NFKBIL1: variants seen among roughly 807,000 people sequenced by gnomAD.
NFKBIL1 encodes NFKB inhibitor like 1.
A neutral mutation model predicts 45.4 loss-of-function variants in NFKBIL1; 30 were observed. The ratio of observed to expected loss-of-function variants is 0.66; its 90% CI spans 0.49 to 0.90. The LOEUF is 0.90. Ranked by LOEUF, NFKBIL1 falls within the 40% of genes least tolerant of loss-of-function variation. The pLI is 0.00. For missense variants in NFKBIL1, 434 were observed against 513.4 expected, an observed-to-expected ratio of 0.85 and a Z score of 1.49; for synonymous variants, 179 against 197.3, an observed-to-expected ratio of 0.91 and a Z score of 0.78.
rs201653245 is a variant in NFKBIL1, at chr6:31,558,754, G to A, written c.*143G>A. On this transcript the variant is annotated 3_prime_UTR_variant, in exon 4 of 4. Transcript: ENST00000376148. This position sits in a 1 kb window ranked among gnomAD's most constrained non-coding sequence, Gnocchi z 7.2. ...GGTGGGAGCGAAAGTTGTAACAAGT[G>A]GGGGTGGGGGGTGCGGGCCGCCACC... The A allele has an allele frequency of 5.8e-6, 4 of 685,214 alleles. No homozygotes were observed. Among genetic ancestry groups the A allele is most frequent in the Non-Finnish European group, 7.1e-6 (3 of 421,696 alleles). 42.4% of individuals were successfully genotyped at this position (685,214 alleles called of 1,614,324 possible).
chr6:31,550,269 G>C (rs1158153300), intron 2 of NFKBIL1, among the ~76,000 whole-genome samples: 1 of 151,526 alleles, frequency 6.6e-6, no homozygotes, highest in Middle Eastern at 3.2e-3. Context: ...AATAAAAGCT[G>C]AAACCTTCTT....
rs573914667 is a variant in NFKBIL1 at position 31,555,013 on chromosome 6, G to C, written c.335-2615G>C. Among the ~76,000 whole-genome samples the C allele has an allele frequency of 4.6e-5, 7 of 152,280 alleles. No homozygotes were observed. The South Asian group carries it at 1.4e-3, about 32-fold the overall frequency. On this transcript the variant is annotated intron_variant, in intron 2 of 3. Coordinates refer to ENST00000376148, the MANE Select transcript of NFKBIL1 (RefSeq NM_005007.4). The stretch of plus-strand genomic sequence containing the variant: ...TGGTTACATATCTCCAAATAAATGT[G>C]TCATATGTATGCTTTTAGGTACACC...
chr6:31,557,987 C>G lies in NFKBIL1; in HGVS notation c.557-35C>G. ...GGGGCCCATCACCTTCTCACAGCCT[C>G]TCTCCAACTACCCCCATCCCACCCT... On this transcript the variant is annotated intron_variant, in intron 3 of 3. Coordinates refer to ENST00000376148, the MANE Select transcript of NFKBIL1 (RefSeq NM_005007.4). This position sits in a 1 kb window ranked among gnomAD's most constrained non-coding sequence, Gnocchi z 5.4. 6.6e-7 allele frequency: 1 copy of G among 1,523,934 alleles called. No homozygotes were observed. The highest frequency in any genetic ancestry group is 8.9e-7 in the Non-Finnish European group (1 of 1,125,666). The allele number at this position is 1,523,934 out of a possible 1,614,324, so 94.4% of individuals were successfully genotyped here.
chr6:31,555,239 T>C lies in NFKBIL1; in HGVS notation c.335-2389T>C, dbSNP rs12181589. Among the ~76,000 whole-genome samples, 1,121 of 143,106 alleles carry C rather than the reference T, an allele frequency of 7.8e-3. 21 individuals carry two copies. The highest frequency in any genetic ancestry group is 0.066 in the East Asian group (322 of 4,902). 93.9% of individuals were successfully genotyped at this position (143,106 alleles called of 152,430 possible). On this transcript the variant is annotated intron_variant, in intron 2 of 3. Transcript: ENST00000376148. Reference sequence around the variant, plus strand: ...TTTTGCCAGTCTATTTTTTTTCTTTTTTTTTTTTTTTTTTTGAGATGGGAG... The same window carrying C: ...TTTTGCCAGTCTATTTTTTTTCTTTCTTTTTTTTTTTTTTTGAGATGGGAG...
intron 1 of NFKBIL1, 66 bp from the exon 2 acceptor site, chr6:31,548,097 C>A: frequency 6.2e-7 from 1 of 1,600,800 alleles, no homozygotes; most frequent in African/African-American, 1.3e-5. Context: ...CAGGGGATGT[C>A]AGAGATGGAG....
intron 2 of NFKBIL1, 81 bp downstream of exon 2, chr6:31,548,520 G>C (rs1191423687): frequency 2.2e-6 from 3 of 1,375,522 alleles, no homozygotes; most frequent in African/African-American, 3.0e-5. Flanking sequence ...TGAGAAATAA[G>C]CTGGTTATTT....
At chr6:31,552,940 A>T (rs1583003574) in intron 2 of NFKBIL1, among the ~76,000 whole-genome samples, 1 of 147,386 alleles carries the variant, frequency 6.8e-6, no homozygotes, top group Non-Finnish European at 1.5e-5. Context: ...TCCTGACCTC[A>T]TGATCCGCCC....
chr6:31,555,299 A>G (rs1487083034), intron 2 of NFKBIL1, among the ~76,000 whole-genome samples: 1 of 139,912 alleles, frequency 7.1e-6, no homozygotes, highest in Non-Finnish European at 1.5e-5. Context: ...GTGCACTGGC[A>G]TGATCTCAGC....
chr6:31,557,186 C>T lies in NFKBIL1; in HGVS notation c.335-442C>T, dbSNP rs1242208079. On this transcript the variant is annotated intron_variant, in intron 2 of 3. Coordinates refer to ENST00000376148, the MANE Select transcript of NFKBIL1 (RefSeq NM_005007.4). This position sits in a 1 kb window ranked among gnomAD's most constrained non-coding sequence, Gnocchi z 5.4. The stretch of plus-strand genomic sequence containing the variant: ...GCAGTGGCACGATCTCGGCTTACTA[C>T]AAGCTCCACCTCCCGGGTTCACATC... Among the ~76,000 whole-genome samples the T allele has an allele frequency of 6.6e-6, 1 of 150,398 alleles. No homozygotes were observed. Among genetic ancestry groups the T allele is most frequent in the East Asian group, 2.0e-4 (1 of 5,096 alleles).
upstream of NFKBIL1, chr6:31,547,573 C>T (rs201770759): frequency 5.1e-6 from 3 of 588,604 alleles, no homozygotes; most frequent in South Asian, 2.4e-5. Flanking sequence ...TGCGTCTCTG[C>T]TTGCGCCATT....
intron 2 of NFKBIL1, among the ~76,000 whole-genome samples, chr6:31,552,955 C>T (rs11752951): frequency 0.042 from 6,415 of 151,312 alleles, 242 homozygotes; most frequent in South Asian, 0.16. Context: ...CCGCCCGCCT[C>T]GGCCTCCCAA....
In NFKBIL1 at chr6:31,558,027, G is replaced by A. The variant is rs1583013063; in HGVS notation, c.562G>A (p.Ala188Thr). 7.1e-6 allele frequency: 5 copies of A among 707,666 alleles called. No homozygotes were observed. Among genetic ancestry groups the A allele is most frequent in the Admixed American group, 2.0e-5 (1 of 50,548 alleles). The allele number at this position is 707,666 out of a possible 1,614,324, so 43.8% of individuals were successfully genotyped here. Residue 188 changes from alanine (A) to threonine (T), a missense_variant, in exon 4 of 4, where the codon GCC (alanine) becomes ACC (threonine). Around this residue, in one of 4 missense-constraint regions of NFKBIL1, gnomAD observed 231 missense variants for 264.1 expected, o/e 0.87. Coordinates refer to ENST00000376148, the MANE Select transcript of NFKBIL1 (RefSeq NM_005007.4). This position sits in a 1 kb window ranked among gnomAD's most constrained non-coding sequence, Gnocchi z 7.2. ...QEVMGRFEGD[A>T]SHETQEPESF... ...CATCCCACCCTCCCAAACAGGTGAT[G>A]CCTCCCATGAAACCCAGGAACCTGA...
chr6:31,557,907 A>G lies in NFKBIL1; in HGVS notation c.556+58A>G. 1 of 1,523,264 alleles carries G rather than the reference A, an allele frequency of 6.6e-7. No homozygotes were observed. The highest frequency in any genetic ancestry group is 8.9e-7 in the Non-Finnish European group (1 of 1,122,866). The allele number at this position is 1,523,264 out of a possible 1,614,324, so 94.4% of individuals were successfully genotyped here. ...TCCCCACTGGCTGCTTTCCATCTGC[A>G]TGAATGCGTCACACTAGGCTCCTCT... On this transcript the variant is annotated intron_variant, in intron 3 of 3. Coordinates refer to ENST00000376148, the MANE Select transcript of NFKBIL1 (RefSeq NM_005007.4). This position sits in a 1 kb window ranked among gnomAD's most constrained non-coding sequence, Gnocchi z 5.4.
At chr6:31,555,984 T>C (rs1172465460) in intron 2 of NFKBIL1, among the ~76,000 whole-genome samples, 1 of 151,706 alleles carries the variant, frequency 6.6e-6, no homozygotes, top group East Asian at 1.9e-4. Flanking sequence ...TACAGTTTTG[T>C]AGCCAGCTTT....
In NFKBIL1 at chr6:31,558,693, C is replaced by A; in HGVS notation, c.*82C>A. On this transcript the variant is annotated 3_prime_UTR_variant, in exon 4 of 4. Coordinates refer to ENST00000376148, the MANE Select transcript of NFKBIL1 (RefSeq NM_005007.4). The surrounding 1 kb of genome is among the most constrained non-coding windows in gnomAD (Gnocchi z 7.2). ...AGGGTAAGGGAAAGGATGGGGACCA[C>A]AAGGAAGAGCCAGGTGCTGCTCAGC... The A allele has an allele frequency of 2.4e-6, 3 of 1,234,582 alleles. No individual in the cohort carries two copies. The highest frequency in any genetic ancestry group is 1.1e-6 in the Non-Finnish European group (1 of 898,448). 76.5% of individuals were successfully genotyped at this position (1,234,582 alleles called of 1,614,324 possible). A position where few individuals can be genotyped will look rare whatever the true frequency, so the allele number is the denominator to read the frequency against.
intron 2 of NFKBIL1, among the ~76,000 whole-genome samples, chr6:31,552,048 C>T (rs1304941425): frequency 3.3e-5 from 5 of 152,128 alleles, no homozygotes; most frequent in Non-Finnish European, 5.9e-5. Flanking sequence ...CCACCTGCCT[C>T]GGCCTCCCAA....
intron 2 of NFKBIL1, among the ~76,000 whole-genome samples, chr6:31,552,237 G>A (rs903281250): frequency 2.7e-5 from 4 of 149,898 alleles, no homozygotes; most frequent in Non-Finnish European, 5.9e-5. Flanking sequence ...CCATCCCACA[G>A]AATGTCTTTT....
chr6:31,552,717 A>G lies in NFKBIL1; in HGVS notation c.334+4278A>G, dbSNP rs117918255. 1.1e-3 allele frequency among the ~76,000 whole-genome samples: 72 copies of G among 65,932 alleles called. 1 individual carries two copies. The East Asian group carries it at 0.02, about 18-fold the overall frequency. 43.3% of individuals were successfully genotyped at this position (65,932 alleles called of 152,430 possible). A position where few individuals can be genotyped will look rare whatever the true frequency, so the allele number is the denominator to read the frequency against. ...TTTTTTTTTTTTTTTTTTTTTGGCG[A>G]AGTGGGGGATGGAGTCTCATTCTGT... On this transcript the variant is annotated intron_variant, in intron 2 of 3. Coordinates refer to ENST00000376148, the MANE Select transcript of NFKBIL1 (RefSeq NM_005007.4).
chr6:31,549,143 C>T (rs1487274922), intron 2 of NFKBIL1, among the ~76,000 whole-genome samples: 1 of 152,130 alleles, frequency 6.6e-6, no homozygotes, highest in Non-Finnish European at 1.5e-5. Context: ...CCATGTTGTG[C>T]CATATATGTT....
Sources: allele counts gnomAD v4.1 joint callset (sites outside exome capture counted in the v4.1 genomes callset), GRCh38; gene constraint gnomAD v4.1.1; regional missense constraint gnomAD v4.1.1; non-coding constraint Gnocchi (gnomAD v3.1); transcripts MANE v1.5; gene names NCBI Gene and HGNC (gene_info 2026-07-23, HGNC 2026-07-21).